Variants in EBF4 observed in about 807,000 individuals in gnomAD.
EBF4 encodes the protein transcription factor COE4.
In EBF4, 34 loss-of-function variants were observed where a neutral mutation model predicts 67.1. The observed-to-expected ratio is 0.51, with a 90% CI of 0.39 to 0.67. The LOEUF (loss-of-function observed/expected upper bound fraction) is 0.67, where lower values mean the gene tolerates loss of function less well. EBF4 is among the 30% of genes least tolerant of loss of function. The pLI, the probability that EBF4 is intolerant of heterozygous loss-of-function variation, is 0.00. For synonymous variants in EBF4, 387 were observed against 377.7 expected (o/e 1.02, Z -0.29); for missense variants, 837 against 873.3 (o/e 0.96, Z 0.52).
intron 6 of EBF4, among the ~76,000 whole-genome samples, chr20:2,737,232 A>G (rs1054331994): frequency 7.0e-6 from 1 of 143,202 alleles, no homozygotes; most frequent in Non-Finnish European, 1.5e-5. Flanking sequence ...CTTGGGTAAC[A>G]GGAGCGAAAC....
At chr20:2,740,613 A>G (rs2087953465) in intron 6 of EBF4, among the ~76,000 whole-genome samples, 1 of 152,212 alleles carries the variant, frequency 6.6e-6, no homozygotes, top group South Asian at 2.1e-4. Context: ...AAAGCTGGTG[A>G]AAAGCCTTAG....
intron 14 of EBF4, among the ~76,000 whole-genome samples, chr20:2,753,986 G>T (rs2088198774): frequency 5.1e-5 from 1 of 19,626 alleles, no homozygotes; most frequent in South Asian, 1.1e-3. Flanking sequence ...ACTGGTGGGG[G>T]TATGGAACAT....
At chr20:2,702,726 G>A (rs2087394036) in intron 1 of EBF4, among the ~76,000 whole-genome samples, 1 of 152,186 alleles carries the variant, frequency 6.6e-6, no homozygotes. Context: ...AGTGGTGACT[G>A]TGGCAGCCAT....
chr20:2,702,055 G>C (rs958644858), intron 1 of EBF4, among the ~76,000 whole-genome samples: 5 of 152,240 alleles, frequency 3.3e-5, no homozygotes, highest in African/African-American at 1.2e-4. Flanking sequence ...CTGAGGGCAA[G>C]GGGGTGGAGG....
At chr20:2,708,229 G>T in intron 5 of EBF4, among the ~76,000 whole-genome samples, 1 of 152,210 alleles carries the variant, frequency 6.6e-6, no homozygotes, top group East Asian at 1.9e-4. Context: ...CATTAGCCTG[G>T]CCTGTTTATG....
chr20:2,740,758 T>TAA (rs1433095992), intron 6 of EBF4, among the ~76,000 whole-genome samples: 203 of 152,076 alleles, frequency 1.3e-3, no homozygotes, highest in African/African-American at 4.5e-3. Flanking sequence ...AACAAGGAGG[T>TAA]GGTCTCGGTC....
chr20:2,741,094 T>C (rs979039614), intron 6 of EBF4, among the ~76,000 whole-genome samples: 1 of 152,142 alleles, frequency 6.6e-6, no homozygotes, highest in Non-Finnish European at 1.5e-5. Context: ...AAGGATCGCC[T>C]GAGCCCAGGA....
chr20:2,739,316 C>T lies in EBF4; in HGVS notation c.558-9233C>T, dbSNP rs566922801. On this transcript the variant is annotated intron_variant, in intron 6 of 16. Transcript: ENST00000609451. This position sits in a 1 kb window ranked among gnomAD's most constrained non-coding sequence, Gnocchi z 4.5. ...CACTGATCGAGTGAGCCGTCTGCCCCGTGGTGGAGCTGTTAGTCCCTTTGC... is the reference window on the plus strand; with the variant it reads ...CACTGATCGAGTGAGCCGTCTGCCCTGTGGTGGAGCTGTTAGTCCCTTTGC... Among the ~76,000 whole-genome samples the T allele has an allele frequency of 6.4e-4, 98 of 152,062 alleles. 1 individual carries two copies. The highest frequency in any genetic ancestry group is 2.5e-3 in the South Asian group (12 of 4,806).
At position 2,756,174 on chromosome 20, in the gene EBF4, C is replaced by G. The variant is rs1048539854; in HGVS notation, c.1738+350C>G. Among the ~76,000 whole-genome samples, 1 of 152,360 alleles carries G rather than the reference C, an allele frequency of 6.6e-6. No individual in the cohort carries two copies. Among genetic ancestry groups the G allele is most frequent in the Admixed American group, 6.5e-5 (1 of 15,312 alleles). ...AGACCCTCAGAGCTGGTGGGCTGCA[C>G]GCCTGTACCTGTGCCTCCCTGTGTC... is the stretch of plus-strand genomic sequence containing the variant. On this transcript the variant is annotated intron_variant, in intron 15 of 16. Coordinates refer to ENST00000609451, the Ensembl canonical transcript of EBF4. The surrounding 1 kb of genome is among the most constrained non-coding windows in gnomAD (Gnocchi z 4.5).
At chr20:2,723,404 G>A (rs1028564395) in intron 6 of EBF4, among the ~76,000 whole-genome samples, 16 of 152,142 alleles carry the variant, frequency 1.1e-4, no homozygotes, top group African/African-American at 3.6e-4. Context: ...AGGCTGGAGT[G>A]CAGTGGCGCA....
intron 6 of EBF4, among the ~76,000 whole-genome samples, chr20:2,744,048 A>G (rs1600236279): frequency 6.7e-6 from 1 of 149,190 alleles, no homozygotes; most frequent in African/African-American, 2.5e-5. Context: ...TCCATGCTCT[A>G]CCTCCAGGTC....
intron 6 of EBF4, among the ~76,000 whole-genome samples, chr20:2,725,829 A>T (rs576085688): frequency 2.2e-4 from 33 of 152,298 alleles, no homozygotes; most frequent in Non-Finnish European, 4.6e-4. Context: ...TGCCACAAGT[A>T]CAGTTCTGAT....
intron 1 of EBF4, among the ~76,000 whole-genome samples, chr20:2,704,263 A>G (rs371863431): frequency 5.9e-5 from 9 of 152,128 alleles, no homozygotes; most frequent in East Asian, 3.9e-4. Flanking sequence ...GCCCTAGCCA[A>G]CTCAAGCAGG....
chr20:2,734,975 G>A (rs2146455596), intron 6 of EBF4, among the ~76,000 whole-genome samples: 1 of 152,236 alleles, frequency 6.6e-6, no homozygotes, highest in South Asian at 2.1e-4. Flanking sequence ...TAGATCTCCA[G>A]GAATATGTCA....
chr20:2,718,184 T>A (rs1226093797), intron 6 of EBF4, among the ~76,000 whole-genome samples: 1 of 152,232 alleles, frequency 6.6e-6, no homozygotes, highest in East Asian at 1.9e-4. Flanking sequence ...TTAAATATAC[T>A]GTTTGATTCT....
chr20:2,699,467 G>A (rs1029419076), intron 1 of EBF4, among the ~76,000 whole-genome samples: 2 of 152,136 alleles, frequency 1.3e-5, no homozygotes, highest in Non-Finnish European at 2.9e-5. Context: ...AGGTGAGTGG[G>A]GCACAATGAA....
chr20:2,737,951 C>G (rs1209695580), intron 6 of EBF4, among the ~76,000 whole-genome samples: 2 of 144,952 alleles, frequency 1.4e-5, no homozygotes, highest in African/African-American at 5.1e-5. Flanking sequence ...GGCAACAGAG[C>G]GAGACTCCAT....
At position 2,755,863 on chromosome 20, in the gene EBF4, G is replaced by A. The variant is rs780785318; in HGVS notation, c.1738+39G>A. The A allele has an allele frequency of 4.2e-5, 64 of 1,524,622 alleles. 1 individual carries two copies. The highest frequency in any genetic ancestry group is 5.4e-5 in the Non-Finnish European group (61 of 1,135,362). 94.4% of individuals were successfully genotyped at this position (1,524,622 alleles called of 1,614,324 possible). On this transcript the variant is annotated intron_variant, in intron 15 of 16. Transcript: ENST00000609451. The surrounding 1 kb of genome is among the most constrained non-coding windows in gnomAD (Gnocchi z 4.7). ...CCTGCCTCACTGTGGCAGGAAGGAA[G>A]GGCCCTTGTGGAGCAGCTGGGCTAC...
chr20:2,754,263 C>T (rs1333709809), intron 14 of EBF4, among the ~76,000 whole-genome samples: 4 of 152,200 alleles, frequency 2.6e-5, no homozygotes, highest in East Asian at 1.9e-4. Flanking sequence ...ATTGAGTTTG[C>T]GAGAACATTC....
Sources: gnomAD v4.1 joint callset for allele counts (sites outside exome capture counted in the v4.1 genomes callset) on GRCh38, gnomAD v4.1.1 for gene constraint, Gnocchi (gnomAD v3.1) non-coding constraint, MANE v1.5 for transcripts, NCBI Gene and HGNC (gene_info 2026-07-23, HGNC 2026-07-21) for gene names.